FUBP3: variants seen among roughly 807,000 people sequenced by gnomAD.
The protein encoded by FUBP3 is far upstream element binding protein 3.
Under a neutral mutation model 85.6 loss-of-function variants are expected in FUBP3, and 28 were observed. The ratio of observed to expected loss-of-function variants is 0.33; its 90% CI spans 0.24 to 0.45. The LOEUF is 0.45. Among genes scored for constraint, FUBP3 ranks in the 20% least tolerant of loss-of-function variants. The pLI, the probability that FUBP3 is intolerant of heterozygous loss-of-function variation, is 1.00. For synonymous variants in FUBP3, 271 were observed against 271.4 expected (o/e 1.00, Z 0.01); for missense variants, 583 against 755.1 (o/e 0.77, Z 2.67).
intron 1 of FUBP3, among the ~76,000 whole-genome samples, chr9:130,585,653 C>T (rs1439366913): frequency 1.3e-5 from 2 of 152,228 alleles, no homozygotes; most frequent in Non-Finnish European, 2.9e-5. Flanking sequence ...TTAACTCCTA[C>T]AGGGTTTAGG....
intron 1 of FUBP3, among the ~76,000 whole-genome samples, chr9:130,595,025 G>A (rs969488331): frequency 6.6e-6 from 1 of 151,884 alleles, no homozygotes; most frequent in Non-Finnish European, 1.5e-5. Flanking sequence ...TTGGGCGTTC[G>A]AGGCCAGCCT....
intron 2 of FUBP3, among the ~76,000 whole-genome samples, chr9:130,603,146 A>C (rs1226199155): frequency 6.6e-6 from 1 of 152,132 alleles, no homozygotes; most frequent in Non-Finnish European, 1.5e-5. Flanking sequence ...CAAGAGTTCA[A>C]GACCAGCCTG....
At chr9:130,615,277 A>G (rs938739001) in intron 6 of FUBP3, among the ~76,000 whole-genome samples, 1 of 152,234 alleles carries the variant, frequency 6.6e-6, no homozygotes, top group African/African-American at 2.4e-5. Context: ...AACTGGGAAG[A>G]TACACGAAGC....
Position 130,623,602 on chromosome 9 carries a change from G to T in FUBP3, c.875-9G>T. ...TTTTTCTAATCCTGTCTCTCACCTGGCTCCTCAGATGATGGGATTAGTCCA... is the reference window on the plus strand; with the variant it reads ...TTTTTCTAATCCTGTCTCTCACCTGTCTCCTCAGATGATGGGATTAGTCCA... On this transcript the variant is annotated splice_polypyrimidine_tract_variant and intron_variant, in intron 10 of 18. Coordinates refer to ENST00000319725, the MANE Select transcript of FUBP3 (RefSeq NM_003934.2). 1 of 1,573,406 alleles carries T rather than the reference G, an allele frequency of 6.4e-7. No homozygotes were observed. The highest frequency in any genetic ancestry group is 1.3e-5 in the African/African-American group (1 of 74,194).
chr9:130,624,207 A>G (rs1272597853), intron 11 of FUBP3, among the ~76,000 whole-genome samples: 1 of 152,184 alleles, frequency 6.6e-6, no homozygotes, highest in East Asian at 1.9e-4. Context: ...GAATGACCAG[A>G]ACGGAAGAAT....
chr9:130,626,478 G>A lies in FUBP3; in HGVS notation c.1090G>A (p.Asp364Asn). 3 of 1,614,198 alleles carry A rather than the reference G, an allele frequency of 1.9e-6. No individual in the cohort carries two copies. The highest frequency in any genetic ancestry group is 2.5e-6 in the Non-Finnish European group (3 of 1,180,020). ...VQEITYTVPADKCGLVIGKGG... is the reference protein window; with the variant it reads ...VQEITYTVPANKCGLVIGKGG... ...GGAGATAACATACACGGTGCCAGCC[G>A]ATAAGTGTGGCCTCGTCATAGGCAA... Residue 364 changes from aspartate (D) to asparagine (N), a missense_variant, in exon 12 of 19, where the codon GAT becomes AAT. Around this residue, in one of 3 missense-constraint regions of FUBP3, gnomAD observed 404 missense variants for 516.8 expected, o/e 0.78. Coordinates refer to ENST00000319725, the MANE Select transcript of FUBP3 (RefSeq NM_003934.2).
intron 7 of FUBP3, among the ~76,000 whole-genome samples, chr9:130,617,440 A>T (rs1049129559): frequency 6.6e-6 from 1 of 152,214 alleles, no homozygotes; most frequent in African/African-American, 2.4e-5. Context: ...TATGTGCTGA[A>T]GTAGAAAGAT....
chr9:130,620,492 G>C, intron 9 of FUBP3, 34 bp downstream of exon 9: 1 of 1,071,636 alleles, frequency 9.3e-7, no homozygotes, highest in Non-Finnish European at 1.4e-6. Flanking sequence ...AGGCAAATGA[G>C]ATGAGGACTA....
chr9:130,610,993 T>C (rs1020745350), intron 3 of FUBP3, among the ~76,000 whole-genome samples: 2 of 152,208 alleles, frequency 1.3e-5, no homozygotes, highest in African/African-American at 4.8e-5. Context: ...TTTTGTACCT[T>C]GGACAAGTTT....
chr9:130,582,401 T>C (rs955435100), intron 1 of FUBP3, among the ~76,000 whole-genome samples: 4 of 151,196 alleles, frequency 2.6e-5, no homozygotes, highest in Non-Finnish European at 5.9e-5. Flanking sequence ...CAGTGAGCTG[T>C]GATTGCTCCG....
At chr9:130,600,522 G>A (rs966934446) in intron 2 of FUBP3, among the ~76,000 whole-genome samples, 11 of 151,992 alleles carry the variant, frequency 7.2e-5, no homozygotes, top group African/African-American at 2.7e-4. Context: ...TTTAAAGACA[G>A]GGTCTCACTC....
At position 130,635,776 on chromosome 9, in the gene FUBP3, G is replaced by T; in HGVS notation, c.1583-223G>T. The T allele has an allele frequency of 2.0e-6, 1 of 512,754 alleles. No individual in the cohort carries two copies. Among genetic ancestry groups the T allele is most frequent in the South Asian group, 2.7e-5 (1 of 37,576 alleles). 31.8% of individuals were successfully genotyped at this position (512,754 alleles called of 1,614,324 possible). On this transcript the variant is annotated intron_variant, in intron 17 of 18. Transcript: ENST00000319725. The surrounding 1 kb of genome is among the most constrained non-coding windows in gnomAD (Gnocchi z 4.3). ...GCGCTTCCGCAGAGAGAAGGCAGGCGTGAGGATTGGTCTTCACAGGCATAG... is the reference window on the plus strand; with the variant it reads ...GCGCTTCCGCAGAGAGAAGGCAGGCTTGAGGATTGGTCTTCACAGGCATAG...
In FUBP3 at chr9:130,637,045, C is replaced by T. The variant is rs748405944; in HGVS notation, c.*23C>T. 5.6e-6 allele frequency: 9 copies of T among 1,601,618 alleles called. No homozygotes were observed. In the South Asian group the frequency reaches 9.9e-5, roughly 18 times the overall value. ...TAGGACAGCGTCCTCGTGGCCAACT[C>T]TCCCCTCAAAATCATTGTCAAAGAA... On this transcript the variant is annotated 3_prime_UTR_variant, in exon 19 of 19. Transcript: ENST00000319725.
chr9:130,579,629 A>AGCGGCGGCGTCG lies in FUBP3; in HGVS notation c.-45_-34dup. ...AGCGGGAGGCCGGACCGGGGAGCCG[A>AGCGGCGGCGTCG]GCGGCGGCGTCGGCGGCGTCGGCGG... On this transcript the variant is annotated 5_prime_UTR_variant, in exon 1 of 19. Transcript: ENST00000319725. 1 of 1,121,070 alleles carries AGCGGCGGCGTCG rather than the reference A, an allele frequency of 8.9e-7. No homozygotes were observed. The highest frequency in any genetic ancestry group is 4.5e-5 in the South Asian group (1 of 22,224). The allele number at this position is 1,121,070 out of a possible 1,614,324, so 69.4% of individuals were successfully genotyped here.
chr9:130,587,094 C>T (rs1452785142), intron 1 of FUBP3, among the ~76,000 whole-genome samples: 1 of 134,944 alleles, frequency 7.4e-6, no homozygotes, highest in Non-Finnish European at 1.5e-5. Flanking sequence ...GAGATGGAGT[C>T]TCACTCTGTC....
intron 2 of FUBP3, among the ~76,000 whole-genome samples, chr9:130,599,659 C>G (rs1164022020): frequency 2.0e-5 from 3 of 152,192 alleles, no homozygotes; most frequent in South Asian, 2.1e-4. Context: ...TTAACCTTCA[C>G]TGTCTTCAAT....
At chr9:130,628,978 A>C (rs1830103507) in intron 12 of FUBP3, among the ~76,000 whole-genome samples, 1 of 152,176 alleles carries the variant, frequency 6.6e-6, no homozygotes, top group Non-Finnish European at 1.5e-5. Flanking sequence ...CCTGTTGGTC[A>C]GGCTGGTCTC....
Position 130,579,981 on chromosome 9 carries a change from C to T in FUBP3, c.84+217C>T, listed in dbSNP as rs555046251. Among the ~76,000 whole-genome samples the T allele has an allele frequency of 4.8e-4, 73 of 152,348 alleles. 2 individuals are homozygous for T. In the East Asian group the frequency reaches 0.014, roughly 28 times the overall value. On this transcript the variant is annotated intron_variant, in intron 1 of 18. Transcript: ENST00000319725. Reference sequence around the variant, plus strand: ...CCTGTCGGGCGGGTCTCCCAGGTGCCTGAAGTCGCTGGGAAAGGGTTTGCT... The same window carrying T: ...CCTGTCGGGCGGGTCTCCCAGGTGCTTGAAGTCGCTGGGAAAGGGTTTGCT...
intron 18 of FUBP3, 38 bp from the exon 19 acceptor site, chr9:130,636,976 G>A (rs746696046): frequency 5.6e-6 from 9 of 1,604,176 alleles, no homozygotes; most frequent in Middle Eastern, 1.7e-4. Context: ...CTGAGAACCT[G>A]CCATCACAGA....
Sources: allele counts gnomAD v4.1 joint callset (sites outside exome capture counted in the v4.1 genomes callset), GRCh38; gene constraint gnomAD v4.1.1; regional missense constraint gnomAD v4.1.1; non-coding constraint Gnocchi (gnomAD v3.1); transcripts MANE v1.5; gene names NCBI Gene and HGNC (gene_info 2026-07-23, HGNC 2026-07-21).